Variants in MS4A10 observed in about 807,000 individuals in gnomAD.
The protein encoded by MS4A10 is membrane spanning 4-domains A10.
Under a neutral mutation model 27.7 loss-of-function variants are expected in MS4A10, and 27 were observed. The observed-to-expected ratio is 0.98, with a 90% CI of 0.72 to 1.35. The LOEUF (loss-of-function observed/expected upper bound fraction) is 1.35, where lower values mean the gene tolerates loss of function less well. Among genes scored for constraint, MS4A10 ranks in the 40% most tolerant of loss-of-function variants. The pLI, the probability that MS4A10 is intolerant of heterozygous loss-of-function variation, is 0.00. For missense variants in MS4A10, 338 were observed against 324.7 expected, an observed-to-expected ratio of 1.04 and a Z score of -0.32; for synonymous variants, 139 against 131.2, an observed-to-expected ratio of 1.06 and a Z score of -0.41.
At position 60,799,946 on chromosome 11, in the gene MS4A10, GCATAGCCCCTGCTCTCCCAAAGTTGCACT is replaced by G; in HGVS notation, c.*38_*66del. The G allele has an allele frequency of 6.2e-7, 1 of 1,613,946 alleles. No individual in the cohort carries two copies. The highest frequency in any genetic ancestry group is 1.1e-5 in the South Asian group (1 of 91,034). On this transcript the variant is annotated 3_prime_UTR_variant, in exon 8 of 8. Coordinates refer to ENST00000308287, the MANE Select transcript of MS4A10 (RefSeq NM_206893.4). ...CTGACAATGCCCAAACTTGGTTGGA[GCATAGCCCCTGCTCTCCCAAAGTTGCACT>G]TTCACTGGGAAGATGAGATTTGCAC... is the stretch of plus-strand genomic sequence containing the variant.
At chr11:60,789,153 G>C (rs1854385840) in intron 1 of MS4A10, among the ~76,000 whole-genome samples, 1 of 152,156 alleles carries the variant, frequency 6.6e-6, no homozygotes, top group African/African-American at 2.4e-5. Flanking sequence ...ATGCTCAATG[G>C]AACTTCCTGG....
intron 5 of MS4A10, among the ~76,000 whole-genome samples, chr11:60,795,078 G>A (rs576657756): frequency 2.6e-5 from 4 of 152,276 alleles, no homozygotes; most frequent in Admixed American, 2.0e-4. Context: ...GTGCGAGCAT[G>A]CATGGACACA....
chr11:60,785,719 C>T (rs1017324808), intron 1 of MS4A10, among the ~76,000 whole-genome samples: 1 of 152,162 alleles, frequency 6.6e-6, no homozygotes, highest in African/African-American at 2.4e-5. Context: ...CCTGCGGAGC[C>T]CCATCCTGCT....
chr11:60,791,217 G>T (rs1222420284), intron 3 of MS4A10, 124 bp downstream of exon 3: 2 of 1,281,864 alleles, frequency 1.6e-6, no homozygotes, highest in Admixed American at 2.3e-5. Flanking sequence ...GCAGAAGCGA[G>T]GCCCTTTCTC....
chr11:60,798,582 G>C (rs1295517063), intron 7 of MS4A10, 68 bp downstream of exon 7: 1 of 1,225,216 alleles, frequency 8.2e-7, no homozygotes. Context: ...CCCTGGCATA[G>C]ATAGAAACCA....
chr11:60,786,173 GCACACA>G (rs776986366), intron 1 of MS4A10, among the ~76,000 whole-genome samples: 1 of 139,972 alleles, frequency 7.1e-6, no homozygotes, highest in Admixed American at 6.9e-5. Context: ...GCACACACAT[GCACACA>G]CACACACACG....
intron 4 of MS4A10, among the ~76,000 whole-genome samples, chr11:60,793,097 C>G (rs191940003): frequency 1.4e-4 from 22 of 152,274 alleles, no homozygotes; most frequent in African/African-American, 4.6e-4. Flanking sequence ...TCCCACCTCC[C>G]CTCCTTCTGC....
At chr11:60,785,950 C>T (rs1434996707) in intron 1 of MS4A10, among the ~76,000 whole-genome samples, 2 of 152,018 alleles carry the variant, frequency 1.3e-5, no homozygotes, top group Admixed American at 1.3e-4. Context: ...GGTGGGTGAG[C>T]TCTCTTTACA....
intron 1 of MS4A10, among the ~76,000 whole-genome samples, chr11:60,786,179 ACACACACACG>A: frequency 6.9e-6 from 1 of 145,666 alleles, no homozygotes; most frequent in African/African-American, 2.5e-5. Flanking sequence ...ACATGCACAC[ACACACACACG>A]CACACACACA....
intron 2 of MS4A10, among the ~76,000 whole-genome samples, chr11:60,790,767 G>A (rs1004221952): frequency 3.3e-5 from 5 of 152,224 alleles, no homozygotes; most frequent in African/African-American, 1.2e-4. Context: ...CTCCAGGATA[G>A]ATAGCTCCCA....
At position 60,792,292 on chromosome 11, in the gene MS4A10, A is replaced by G. The variant is rs1485893926; in HGVS notation, c.331A>G (p.Thr111Ala). 4 of 1,613,472 alleles carry G rather than the reference A, an allele frequency of 2.5e-6. No homozygotes were observed. In the African/African-American group the frequency reaches 4.0e-5, roughly 16 times the overall value. Residue 111 changes from threonine to alanine, a missense_variant, in exon 4 of 8, where the codon ACA becomes GCA. Coordinates refer to ENST00000308287, the MANE Select transcript of MS4A10 (RefSeq NM_206893.4). ...TCTCATTTCAGGGATCTTGGCGATA[A>G]CAATGAAGACCTTTTCTAAAACTTA... is the stretch of plus-strand genomic sequence containing the variant. ...SFLISGILAI[T>A]MKTFSKTYLK...
At chr11:60,795,071 C>T (rs755592610) in intron 5 of MS4A10, among the ~76,000 whole-genome samples, 5 of 152,116 alleles carry the variant, frequency 3.3e-5, no homozygotes, top group Non-Finnish European at 7.4e-5. Context: ...CATGCATGTG[C>T]GAGCATGCAT....
rs1664569301 is a variant in MS4A10 at position 60,794,111 on chromosome 11, C to A, written c.492+8C>A. On this transcript the variant is annotated splice_region_variant and intron_variant, in intron 5 of 7. Transcript: ENST00000308287. Reference sequence around the variant, plus strand: ...ATGTACCCCAACTCCACGGTGAGTACCCAGGCCTGGAGGGCCCTCTGACTT... The same window carrying A: ...ATGTACCCCAACTCCACGGTGAGTAACCAGGCCTGGAGGGCCCTCTGACTT... The A allele has an allele frequency of 1.2e-6, 2 of 1,613,824 alleles. No homozygotes were observed. The highest frequency in any genetic ancestry group is 2.7e-5 in the African/African-American group (2 of 74,934).
chr11:60,787,000 C>T (rs776547467), intron 1 of MS4A10, among the ~76,000 whole-genome samples: 1 of 152,188 alleles, frequency 6.6e-6, no homozygotes, highest in Non-Finnish European at 1.5e-5. Flanking sequence ...CGCTCAGGGC[C>T]GTGCCCACTC....
intron 6 of MS4A10, among the ~76,000 whole-genome samples, chr11:60,797,472 T>A (rs1287765854): frequency 6.6e-6 from 1 of 152,096 alleles, no homozygotes; most frequent in Admixed American, 6.5e-5. Context: ...AAGAATCTCT[T>A]TCCTTGCCTT....
At chr11:60,796,649 G>A (rs936189218) in intron 6 of MS4A10, among the ~76,000 whole-genome samples, 2 of 152,096 alleles carry the variant, frequency 1.3e-5, no homozygotes, top group African/African-American at 4.8e-5. Context: ...GGTCCAGAGA[G>A]GTCACATCAC....
At chr11:60,797,423 G>A (rs1854549340) in intron 6 of MS4A10, among the ~76,000 whole-genome samples, 1 of 152,306 alleles carries the variant, frequency 6.6e-6, no homozygotes, top group East Asian at 1.9e-4. Flanking sequence ...TCAAATCAAG[G>A]TGTGTCGCCA....
rs745597401 is a variant in MS4A10, at chr11:60,798,385, T to C, written c.604-11T>C. ...CTGTGAGCAGCAGGGGCGGCGACTTTTCTTTCGCAGAATGATGATGCATGC... is the reference window on the plus strand; with the variant it reads ...CTGTGAGCAGCAGGGGCGGCGACTTCTCTTTCGCAGAATGATGATGCATGC... On this transcript the variant is annotated splice_polypyrimidine_tract_variant and intron_variant, in intron 6 of 7. Coordinates refer to ENST00000308287, the MANE Select transcript of MS4A10 (RefSeq NM_206893.4). 1 of 1,610,912 alleles carries C rather than the reference T, an allele frequency of 6.2e-7. No homozygotes were observed. Among genetic ancestry groups the C allele is most frequent in the Admixed American group, 1.7e-5 (1 of 59,904 alleles).
rs753587377 is a variant in MS4A10, at chr11:60,794,029, T to G, written c.418T>G (p.Phe140Val). ...ISLFCVLSGL[F>V]VISKDLFLES... is the part of the protein sequence containing the mutation. ...CCTCTTTTGCGTGCTGTCTGGCCTC[T>G]TCGTCATCTCCAAGGATCTCTTTCT... The change falls in exon 5 of 8, where the codon TTC becomes GTC. Residue 140 changes from phenylalanine to valine, a missense_variant. By Grantham distance (50) the Phe-to-Val change is conservative. Coordinates refer to ENST00000308287, the MANE Select transcript of MS4A10 (RefSeq NM_206893.4). 1 of 1,614,184 alleles carries G rather than the reference T, an allele frequency of 6.2e-7. No homozygotes were observed. The highest frequency in any genetic ancestry group is 8.5e-7 in the Non-Finnish European group (1 of 1,180,032).
Sources: gnomAD v4.1 joint callset for allele counts (sites outside exome capture counted in the v4.1 genomes callset) on GRCh38, gnomAD v4.1.1 for gene constraint, MANE v1.5 for transcripts, NCBI Gene and HGNC (gene_info 2026-07-23, HGNC 2026-07-21) for gene names.